Variants in AP1B1 observed in about 807,000 individuals in gnomAD.
The protein encoded by AP1B1 is adaptor related protein complex 1 subunit beta 1, also known as AP-1 complex subunit beta-1.
In AP1B1, 36 loss-of-function variants were observed where a neutral mutation model predicts 104.3. The observed-to-expected ratio is 0.35, with a 90% CI of 0.26 to 0.46. The LOEUF is 0.46. Ranked by LOEUF, AP1B1 falls within the 20% of genes least tolerant of loss-of-function variation. AP1B1 has a pLI of 1.00. For missense variants in AP1B1, 901 were observed against 1,247.9 expected (o/e 0.72, Z 4.19); for synonymous variants, 504 against 517.5 (o/e 0.97, Z 0.35).
At chr22:29,373,113 C>T (rs1375777164) in intron 1 of AP1B1, among the ~76,000 whole-genome samples, 1 of 152,014 alleles carries the variant, frequency 6.6e-6, no homozygotes, top group African/African-American at 2.4e-5. Context: ...TGGTGAAATC[C>T]TGTCTCTACC....
At chr22:29,370,001 G>C (rs2148028731) in intron 1 of AP1B1, among the ~76,000 whole-genome samples, 1 of 152,180 alleles carries the variant, frequency 6.6e-6, no homozygotes, top group South Asian at 2.1e-4. Context: ...TCACAGACTT[G>C]AGAGTGTAAC....
At chr22:29,340,521 C>G (rs2061698193) in intron 14 of AP1B1, 135 bp downstream of exon 14, 4 of 979,826 alleles carry the variant, frequency 4.1e-6, no homozygotes, top group South Asian at 3.8e-5. Context: ...TACACAATCA[C>G]CTCCAAGGGT....
chr22:29,329,286 TG>T, intron 22 of AP1B1: 1 of 1,155,972 alleles, frequency 8.7e-7, no homozygotes, highest in Non-Finnish European at 1.1e-6. Flanking sequence ...TGCGGAGGGC[TG>T]GGAGGGAGCC....
intron 17 of AP1B1, chr22:29,332,414 C>A (rs1457191149): frequency 6.5e-6 from 1 of 153,032 alleles, no homozygotes; most frequent in African/African-American, 2.4e-5. Flanking sequence ...CACACAGTGG[C>A]CACAGAGAGA....
chr22:29,384,568 G>A (rs1300144044), intron 1 of AP1B1, among the ~76,000 whole-genome samples: 2 of 152,118 alleles, frequency 1.3e-5, no homozygotes, highest in Admixed American at 1.3e-4. Flanking sequence ...CTTCGTCAAG[G>A]ATTAAAAGCT....
At chr22:29,333,216 G>A in intron 17 of AP1B1, 1 of 154,944 alleles carries the variant, frequency 6.5e-6, no homozygotes. Flanking sequence ...CTCATCATGA[G>A]CGTGCTCAGG....
chr22:29,358,796 T>A lies in AP1B1; in HGVS notation c.455A>T (p.Asn152Ile). 1 of 1,614,236 alleles carries A rather than the reference T, an allele frequency of 6.2e-7. No homozygotes were observed. The highest frequency in any genetic ancestry group is 8.5e-7 in the Non-Finnish European group (1 of 1,180,042). Reference sequence around the variant, plus strand: ...GCCCTGGTCCTCCACCAGCTGGGCGTTGATGTCGTGGAGCTTGGCCACGCA... The same window carrying A: ...GCCCTGGTCCTCCACCAGCTGGGCGATGATGTCGTGGAGCTTGGCCACGCA... ...AVCVAKLHDI[N>I]AQLVEDQGFL... The change falls in exon 5 of 23, where the codon AAC becomes ATC. Residue 152 changes from asparagine (N) to isoleucine (I), a missense_variant. This residue lies in a region of AP1B1 where 471 missense variants were observed against 696.7 expected (regional missense o/e 0.68). Transcript: ENST00000357586.
chr22:29,368,847 A>G (rs738903), intron 1 of AP1B1, among the ~76,000 whole-genome samples: 2,899 of 152,080 alleles, frequency 0.019, 38 homozygotes, highest in Non-Finnish European at 0.03. Context: ...GAAGCACTTG[A>G]ACCCAGGAGG....
rs564209694 is a variant in AP1B1 at position 29,351,764 on chromosome 22, C to A, written c.1000G>T (p.Val334Leu). 6.2e-7 allele frequency: 1 copy of A among 1,614,200 alleles called. No individual in the cohort carries two copies. Among genetic ancestry groups the A allele is most frequent in the South Asian group, 1.1e-5 (1 of 91,088 alleles). The change falls in exon 8 of 23, where the codon GTG (valine) becomes TTG (leucine). Residue 334 changes from valine to leucine, a missense_variant. By Grantham distance (32) the Val-to-Leu change is conservative. Transcript: ENST00000357586. ...ATGATGTCCAGCTTCTCCAGCTTCA[C>A]GTAGATAGGGTCGTTGTACTTCACG... The part of the protein sequence containing the change: ...FFVKYNDPIY[V>L]KLEKLDIMIR...
At chr22:29,359,992 G>A (rs745370838) in intron 3 of AP1B1, 33 bp from the exon 4 acceptor site, 1 of 1,600,042 alleles carries the variant, frequency 6.2e-7, no homozygotes, top group South Asian at 1.1e-5. Context: ...GCATGGGAAA[G>A]GCTGAACAAA....
chr22:29,377,277 T>G (rs1037862701), intron 1 of AP1B1, among the ~76,000 whole-genome samples: 1 of 141,900 alleles, frequency 7.0e-6, no homozygotes, highest in African/African-American at 2.6e-5. Flanking sequence ...GGGAAACAGG[T>G]AAGGCCAGCT....
At chr22:29,376,720 T>C (rs563784635) in intron 1 of AP1B1, among the ~76,000 whole-genome samples, 1 of 152,252 alleles carries the variant, frequency 6.6e-6, no homozygotes, top group Non-Finnish European at 1.5e-5. Flanking sequence ...AGGCCAAACT[T>C]TGTTCATTCC....
At chr22:29,384,238 CGA>C (rs906324237) in intron 1 of AP1B1, among the ~76,000 whole-genome samples, 6 of 152,048 alleles carry the variant, frequency 3.9e-5, no homozygotes, top group South Asian at 2.1e-4. Context: ...TTACTACTAC[CGA>C]GAGAGAGAGA....
intron 16 of AP1B1, 75 bp from the exon 17 acceptor site, chr22:29,334,485 G>A: frequency 4.7e-6 from 7 of 1,493,594 alleles, no homozygotes; most frequent in Non-Finnish European, 6.2e-6. Flanking sequence ...CCACCTGAGG[G>A]TGCTTTTTCT....
At position 29,350,119 on chromosome 22, in the gene AP1B1, A is replaced by C. The variant is rs750889068; in HGVS notation, c.1187T>G (p.Leu396Arg). Residue 396 changes from leucine (L) to arginine (R), a missense_variant, in exon 10 of 23, where the codon CTC becomes CGC. Leu to Arg is a moderately radical substitution (Grantham distance 102). Transcript: ENST00000357586. ...GTTGACCTTGGTCTGGATGAGGTCG[A>C]GCAGCGTGCTCACACAGCGCTCCGC... ...QSAERCVSTL[L>R]DLIQTKVNYV... 3.7e-6 allele frequency: 6 copies of C among 1,614,206 alleles called. No homozygotes were observed. Among genetic ancestry groups the C allele is most frequent in the Non-Finnish European group, 5.1e-6 (6 of 1,180,024 alleles).
chr22:29,366,835 C>CGG (rs1368721844), intron 2 of AP1B1, among the ~76,000 whole-genome samples: 3 of 24,402 alleles, frequency 1.2e-4, no homozygotes, highest in Admixed American at 8.6e-4. Flanking sequence ...TGGATAAGGA[C>CGG]ACACACACAC....
chr22:29,342,574 C>T (rs1222897504), intron 11 of AP1B1, among the ~76,000 whole-genome samples, 191 bp from the exon 12 acceptor site: 1 of 152,232 alleles, frequency 6.6e-6, no homozygotes, highest in Non-Finnish European at 1.5e-5. Context: ...GCAGCCAGAC[C>T]TCGGCATCAC....
In AP1B1 at chr22:29,354,638, T is replaced by C. The variant is rs1569158866; in HGVS notation, c.938+12A>G. Reference sequence around the variant, plus strand: ...GGGGTACGCATGGACGTGCGTGTGGTGACCTCAGTACCTTTTCTGCACGAT... The same window carrying C: ...GGGGTACGCATGGACGTGCGTGTGGCGACCTCAGTACCTTTTCTGCACGAT... On this transcript the variant is annotated intron_variant, in intron 7 of 22. Coordinates refer to ENST00000357586, the MANE Select transcript of AP1B1 (RefSeq NM_001127.4). 4 of 1,612,948 alleles carry C rather than the reference T, an allele frequency of 2.5e-6. No individual in the cohort carries two copies. In the Admixed American group the frequency reaches 6.7e-5, roughly 27 times the overall value.
At chr22:29,364,162 G>A (rs1432825597) in intron 2 of AP1B1, among the ~76,000 whole-genome samples, 1 of 152,188 alleles carries the variant, frequency 6.6e-6, no homozygotes, top group Non-Finnish European at 1.5e-5. Flanking sequence ...GGCCTTTCCT[G>A]TTTTCCTCAA....
Sources: allele counts gnomAD v4.1 joint callset (sites outside exome capture counted in the v4.1 genomes callset), GRCh38; gene constraint gnomAD v4.1.1; regional missense constraint gnomAD v4.1.1; transcripts MANE v1.5; gene names NCBI Gene and HGNC (gene_info 2026-07-23, HGNC 2026-07-21).